Variants in NDRG4 observed in about 807,000 individuals in gnomAD.
NDRG4 encodes NDRG family member 4.
A neutral mutation model predicts 55.8 loss-of-function variants in NDRG4; 38 were observed. That is an observed-to-expected ratio of 0.68 (90% confidence interval 0.53 to 0.89). The LOEUF (loss-of-function observed/expected upper bound fraction) is 0.89. Among genes scored for constraint, NDRG4 ranks in the 40% least tolerant of loss-of-function variants. The pLI, the probability that NDRG4 is intolerant of heterozygous loss-of-function variation, is 0.00. For synonymous variants in NDRG4, 190 were observed against 182.7 expected (o/e 1.04, Z -0.32); for missense variants, 455 against 468.6 (o/e 0.97, Z 0.27).
intron 1 of NDRG4, among the ~76,000 whole-genome samples, chr16:58,478,366 G>A (rs572492140): frequency 6.7e-6 from 1 of 149,686 alleles, no homozygotes; most frequent in South Asian, 2.2e-4. Context: ...TCCAGCCTGG[G>A]CGACAATATG....
rs1447368016 is a variant in NDRG4 at position 58,465,097 on chromosome 16, G to T, written c.-24+1300G>T. The T allele has an allele frequency of 2.3e-6, 3 of 1,286,678 alleles. No individual in the cohort carries two copies. In the South Asian group the frequency reaches 3.7e-5, roughly 16 times the overall value. 79.7% of individuals were successfully genotyped at this position (1,286,678 alleles called of 1,614,324 possible). A position where few individuals can be genotyped will look rare whatever the true frequency, so the allele number is the denominator to read the frequency against. ...GTGGGAAAGGGAGCAGGGACGGGGG[G>T]GAGGATTCGAGGAGTGACTTCTGTG... On this transcript the variant is annotated intron_variant, in intron 1 of 15. Transcript: ENST00000258187.
At position 58,464,570 on chromosome 16, in the gene NDRG4, G is replaced by A. The variant is rs1597003713; in HGVS notation, c.-24+773G>A. ...GGCGGCTCGGGTCTGAGCAGGAAGG[G>A]GTGCGGACCCCAACTAAGTCCTAGT... On this transcript the variant is annotated intron_variant, in intron 1 of 15. Coordinates refer to the NDRG4 transcript ENST00000258187. The surrounding 1 kb of genome is among the most constrained non-coding windows in gnomAD (Gnocchi z 4.8). The A allele has an allele frequency of 7.3e-6, 8 of 1,098,290 alleles. No individual in the cohort carries two copies. The South Asian group carries it at 1.8e-4, about 24-fold the overall frequency. The allele number at this position is 1,098,290 out of a possible 1,614,324, so 68.0% of individuals were successfully genotyped here.
At chr16:58,483,911 AAAG>A (rs1012682740) in intron 1 of NDRG4, among the ~76,000 whole-genome samples, 1 of 152,162 alleles carries the variant, frequency 6.6e-6, no homozygotes, top group African/African-American at 2.4e-5. Context: ...CAAAAAATGA[AAAG>A]AAAAAATAGT....
intron 14 of NDRG4, chr16:58,510,918 G>A: frequency 1.7e-6 from 1 of 587,550 alleles, no homozygotes; most frequent in Non-Finnish European, 3.0e-6. Flanking sequence ...GTGGCTTCCA[G>A]AGCTCTGGGG....
chr16:58,514,745 CAAAAAAAAA>C (rs67168725), downstream of NDRG4, among the ~76,000 whole-genome samples: 357 of 82,116 alleles, frequency 4.3e-3, 1 homozygote, highest in African/African-American at 0.016. Context: ...CCCAACGCGC[CAAAAAAAAA>C]AAAAAAAAAA....
chr16:58,474,458 G>A (rs965264383), intron 1 of NDRG4, among the ~76,000 whole-genome samples: 195 of 152,140 alleles, frequency 1.3e-3, no homozygotes, highest in Non-Finnish European at 3.4e-4. Context: ...CCCAACGCTC[G>A]CTCCTGGATC....
intron 13 of NDRG4, 64 bp from the exon 14 acceptor site, chr16:58,510,581 C>A: frequency 1.4e-6 from 2 of 1,391,176 alleles, no homozygotes; most frequent in Non-Finnish European, 2.0e-6. Flanking sequence ...CAGCGGACCA[C>A]GCTCTTCACT....
chr16:58,483,200 A>G (rs1031455414), intron 1 of NDRG4, among the ~76,000 whole-genome samples: 8 of 152,096 alleles, frequency 5.3e-5, no homozygotes, highest in African/African-American at 1.9e-4. Flanking sequence ...CAATTTAAGC[A>G]TTTATGGGAT....
At chr16:58,488,201 A>G (rs1342597990) in intron 2 of NDRG4, among the ~76,000 whole-genome samples, 1 of 152,132 alleles carries the variant, frequency 6.6e-6, no homozygotes, top group African/African-American at 2.4e-5. Flanking sequence ...AGGAGCCCCA[A>G]GTGCTGGCTC....
intron 1 of NDRG4, among the ~76,000 whole-genome samples, chr16:58,476,680 C>T (rs2033679955): frequency 6.6e-6 from 1 of 152,052 alleles, no homozygotes; most frequent in Non-Finnish European, 1.5e-5. Context: ...AGTAGAGCAT[C>T]CTTGATGCTG....
intron 1 of NDRG4, among the ~76,000 whole-genome samples, chr16:58,467,944 C>G (rs979728119): frequency 6.6e-6 from 1 of 152,202 alleles, no homozygotes; most frequent in African/African-American, 2.4e-5. Context: ...GATTCCCTCC[C>G]CGCAGGGTGT....
At position 58,507,872 on chromosome 16, in the gene NDRG4, G is replaced by GC; in HGVS notation, c.677+12dup. ...CAATGCCAAGACGCTCCGGTGAGTG[G>GC]CCCCTGGCCCTCTGGCCTGCCCTGG... On this transcript the variant is annotated intron_variant, in intron 9 of 14. Coordinates refer to ENST00000570248, the MANE Select transcript of NDRG4 (RefSeq NM_001242835.2). 1 of 1,614,024 alleles carries GC rather than the reference G, an allele frequency of 6.2e-7. No homozygotes were observed. The highest frequency in any genetic ancestry group is 1.1e-5 in the South Asian group (1 of 91,080).
intron 1 of NDRG4, among the ~76,000 whole-genome samples, chr16:58,486,750 CG>C: frequency 7.2e-6 from 1 of 139,346 alleles, no homozygotes; most frequent in African/African-American, 2.7e-5. Flanking sequence ...CACACACACA[CG>C]CCTGCATGTA....
chr16:58,500,514 T>C, intron 1 of NDRG4: 4 of 318,930 alleles, frequency 1.3e-5, no homozygotes, highest in Admixed American at 4.7e-5. Context: ...GAGCGTGTGG[T>C]TGGGGGGTGG....
rs563685057 is a variant in NDRG4, at chr16:58,500,895, G to C, written c.21+626G>C. 4.8e-6 allele frequency: 4 copies of C among 827,022 alleles called. No homozygotes were observed. The East Asian group carries it at 1.0e-4, about 21-fold the overall frequency. 51.2% of individuals were successfully genotyped at this position (827,022 alleles called of 1,614,324 possible). The stretch of plus-strand genomic sequence containing the variant: ...GCTGCGCCAGCCGGGCAGAGGCAAG[G>C]AGGTCTGGGCCACACAGGAATGACA... On this transcript the variant is annotated intron_variant, in intron 1 of 14. Transcript: ENST00000570248.
intron 2 of NDRG4, among the ~76,000 whole-genome samples, chr16:58,493,256 G>A (rs1294623991): frequency 6.6e-6 from 1 of 152,060 alleles, no homozygotes; most frequent in African/African-American, 2.4e-5. Flanking sequence ...TCAGTCATCC[G>A]TGGTTTGTTT....
intron 1 of NDRG4, among the ~76,000 whole-genome samples, chr16:58,481,355 A>G (rs2034365491): frequency 6.6e-6 from 1 of 152,166 alleles, no homozygotes; most frequent in African/African-American, 2.4e-5. Flanking sequence ...TGTGCTTCCC[A>G]TGGGGAGGAT....
Position 58,511,481 on chromosome 16 carries a change from A to T in NDRG4, c.964A>T (p.Ser322Cys). 6.2e-7 allele frequency: 1 copy of T among 1,612,870 alleles called. No homozygotes were observed. The highest frequency in any genetic ancestry group is 8.5e-7 in the Non-Finnish European group (1 of 1,179,936). The change falls in exon 15 of 15, where the codon AGC becomes TGC. Residue 322 changes from serine to cysteine, a missense_variant. Coordinates refer to ENST00000570248, the MANE Select transcript of NDRG4 (RefSeq NM_001242835.2). ...RSRTASLTSA[S>C]SVDGSRPQAC... ...CCGCACTGCATCCCTCACCAGTGCC[A>T]GCTCGGTGGATGGCAGCCGCCCACA...
rs748519990 is a variant in NDRG4 at position 58,464,170 on chromosome 16, G to A, written c.-24+373G>A. On this transcript the variant is annotated intron_variant, in intron 1 of 15. Coordinates refer to the NDRG4 transcript ENST00000258187. The surrounding 1 kb of genome is among the most constrained non-coding windows in gnomAD (Gnocchi z 4.8). ...ACCCCGCGCCCTTCCTCCGCCTCCT[G>A]GAGTTCACCGGGACCAGGTGGCGGC... The A allele has an allele frequency of 6.4e-5, 24 of 374,598 alleles. No individual in the cohort carries two copies. Among genetic ancestry groups the A allele is most frequent in the Non-Finnish European group, 9.9e-5 (21 of 211,128 alleles). The allele number at this position is 374,598 out of a possible 1,614,324, so 23.2% of individuals were successfully genotyped here. A position where few individuals can be genotyped will look rare whatever the true frequency, so the allele number is the denominator to read the frequency against.
Sources: allele counts gnomAD v4.1 joint callset (sites outside exome capture counted in the v4.1 genomes callset), GRCh38; gene constraint gnomAD v4.1.1; non-coding constraint Gnocchi (gnomAD v3.1); transcripts MANE v1.5; gene names NCBI Gene and HGNC (gene_info 2026-07-23, HGNC 2026-07-21).